Variants in AREL1 observed in about 807,000 individuals in gnomAD.
AREL1 encodes the protein apoptosis-resistant E3 ubiquitin protein ligase 1.
In AREL1, 62 loss-of-function variants were observed where a neutral mutation model predicts 99.0. That is an observed-to-expected ratio of 0.63 (90% confidence interval 0.51 to 0.77). The LOEUF is 0.77. Among genes scored for constraint, AREL1 ranks in the 30% least tolerant of loss-of-function variants. The probability of loss-of-function intolerance (pLI) is 0.00; values close to 1 mark genes in which losing one functional copy is unlikely to be tolerated. For missense variants in AREL1, 879 were observed against 1,027.6 expected (o/e 0.86, Z 1.98); for synonymous variants, 380 against 376.5 (o/e 1.01, Z -0.11).
At chr14:74,711,861 G>A (rs917511567) in intron 1 of AREL1, 9 of 152,038 alleles carry the variant, frequency 5.9e-5, no homozygotes, top group African/African-American at 2.2e-4. Flanking sequence ...CAAAGTTCGT[G>A]TTAAACAATA....
At chr14:74,670,420 A>C (rs888261738) in intron 13 of AREL1, among the ~76,000 whole-genome samples, 1 of 151,960 alleles carries the variant, frequency 6.6e-6, no homozygotes, top group African/African-American at 2.4e-5. Flanking sequence ...GTACTTCTCT[A>C]CTCCTGACAC....
chr14:74,699,349 G>A (rs574490802), intron 1 of AREL1, among the ~76,000 whole-genome samples: 1 of 105,132 alleles, frequency 9.5e-6, no homozygotes, highest in Non-Finnish European at 1.7e-5. Flanking sequence ...ACAGTGAGGG[G>A]TGTGTGTGTG....
intron 1 of AREL1, among the ~76,000 whole-genome samples, chr14:74,707,005 G>C (rs2090190471): frequency 1.3e-5 from 2 of 152,204 alleles, no homozygotes; most frequent in South Asian, 4.2e-4. Context: ...CTCGTCAGAG[G>C]GGATTCTTGG....
chr14:74,670,988 T>A, intron 12 of AREL1, 117 bp from the exon 13 acceptor site: 8 of 755,660 alleles, frequency 1.1e-5, no homozygotes, highest in Non-Finnish European at 1.5e-5. Flanking sequence ...CTCTGGTGTT[T>A]CTCCGTTGCG....
At position 74,676,607 on chromosome 14, in the gene AREL1, G is replaced by T; in HGVS notation, c.627C>A (p.His209Gln). 6.2e-7 allele frequency: 1 copy of T among 1,613,754 alleles called. No individual in the cohort carries two copies. Among genetic ancestry groups the T allele is most frequent in the Non-Finnish European group, 8.5e-7 (1 of 1,179,920 alleles). The change falls in exon 6 of 20, where the codon CAC (histidine) becomes CAA (glutamine). Residue 209 changes from histidine to glutamine, a missense_variant. Coordinates refer to ENST00000356357, the MANE Select transcript of AREL1 (RefSeq NM_001039479.2). ...TNNSMSLRDE[H>Q]NYTLSIHELG... is the part of the protein sequence containing the mutation. ...CCTCATGAATGGACAAGGTGTAATT[G>T]TGCTCATCTCTCAAGGACATGGAAT...
chr14:74,709,207 T>C (rs1188712419), intron 1 of AREL1, among the ~76,000 whole-genome samples: 1 of 151,904 alleles, frequency 6.6e-6, no homozygotes, highest in Admixed American at 6.6e-5. Flanking sequence ...GAAGCTGAGG[T>C]GGGAGGATGG....
intron 2 of AREL1, among the ~76,000 whole-genome samples, chr14:74,686,787 C>T (rs142395224): frequency 1.1e-4 from 17 of 152,212 alleles, no homozygotes; most frequent in African/African-American, 4.1e-4. Flanking sequence ...CATACAAATC[C>T]TACTTAGAGT....
At chr14:74,691,977 A>G (rs1434546394) in intron 2 of AREL1, 64 bp downstream of exon 2, 1 of 298,406 alleles carries the variant, frequency 3.4e-6, no homozygotes, top group Non-Finnish European at 6.4e-6. Flanking sequence ...AGGCTTAGGA[A>G]TTGGTCACTG....
Position 74,674,100 on chromosome 14 carries a change from C to A in AREL1, c.1092G>T (p.Val364=). The change falls in exon 9 of 20, where the codon GTG becomes GTT. Residue 364 remains valine, a synonymous_variant. Coordinates refer to ENST00000356357, the MANE Select transcript of AREL1 (RefSeq NM_001039479.2). The stretch of plus-strand genomic sequence containing the variant: ...GGATGATCTTCAGGTAGAACTCCTT[C>A]ACTGAGAATTGCTGGAGGACCAACA... ...YCYVSPKQFS[V]KEFYLKIIPW... is the part of the protein sequence containing the mutation. The A allele has an allele frequency of 1.2e-6, 2 of 1,613,602 alleles. No individual in the cohort carries two copies. The highest frequency in any genetic ancestry group is 1.1e-5 in the South Asian group (1 of 91,030).
chr14:74,703,604 T>A (rs2090124504), intron 1 of AREL1, among the ~76,000 whole-genome samples: 1 of 152,226 alleles, frequency 6.6e-6, no homozygotes, highest in African/African-American at 2.4e-5. Flanking sequence ...GTCCTTCGTG[T>A]GTAGCATTTT....
chr14:74,700,766 C>A (rs181973466), intron 1 of AREL1, among the ~76,000 whole-genome samples: 1 of 152,002 alleles, frequency 6.6e-6, no homozygotes, highest in Non-Finnish European at 1.5e-5. Flanking sequence ...GGCGACAGAG[C>A]GAGAGTCCCT....
intron 9 of AREL1, 44 bp from the exon 10 acceptor site, chr14:74,673,262 G>C: frequency 6.2e-7 from 1 of 1,602,254 alleles, no homozygotes; most frequent in Non-Finnish European, 8.5e-7. Flanking sequence ...AACCCTCAAG[G>C]CCAGTAAAAG....
chr14:74,705,281 C>T (rs996122594), intron 1 of AREL1, among the ~76,000 whole-genome samples: 20 of 152,192 alleles, frequency 1.3e-4, no homozygotes, highest in African/African-American at 4.8e-4. Flanking sequence ...TCAGGTGATT[C>T]GCCCACCTCA....
chr14:74,684,382 C>T, intron 4 of AREL1, 72 bp downstream of exon 4: 2 of 1,360,660 alleles, frequency 1.5e-6, no homozygotes, highest in South Asian at 1.2e-5. Context: ...ACATTCCAGG[C>T]CAGCACCTGG....
In AREL1 at chr14:74,673,151, G is replaced by A; in HGVS notation, c.1226C>T (p.Pro409Leu). Residue 409 changes from proline to leucine, a missense_variant, in exon 10 of 20, where the codon CCT becomes CTT. Transcript: ENST00000356357. ...LTLVVDDGIQ[P>L]PVELSCKERN... ...CTCCTTACAGCTGAGCTCCACAGGAGGTTGAATGCCATCATCCACCACCAG... is the reference window on the plus strand; with the variant it reads ...CTCCTTACAGCTGAGCTCCACAGGAAGTTGAATGCCATCATCCACCACCAG... The A allele has an allele frequency of 6.2e-7, 1 of 1,614,170 alleles. No homozygotes were observed. Among genetic ancestry groups the A allele is most frequent in the Non-Finnish European group, 8.5e-7 (1 of 1,180,038 alleles).
intron 15 of AREL1, among the ~76,000 whole-genome samples, chr14:74,668,903 G>T (rs1266270675): frequency 2.6e-5 from 4 of 152,068 alleles, no homozygotes; most frequent in Non-Finnish European, 5.9e-5. Flanking sequence ...TTTGAGATAG[G>T]GTTTTGCTGT....
rs1595334915 is a variant in AREL1 at position 74,664,854 on chromosome 14, T to C, written c.2175A>G (p.Ser725=). The C allele has an allele frequency of 1.2e-6, 2 of 1,613,674 alleles. No individual in the cohort carries two copies. The highest frequency in any genetic ancestry group is 4.5e-5 in the East Asian group (2 of 44,862). ...FKAHAVVVGG[S]WHFREKVMRW... is the part of the protein sequence containing the mutation. ...CATTTACCTTTTCTCTGAAATGCCA[T>C]GAGCCACCAACAACTACTGCATGGG... Residue 725 remains serine (S), a synonymous_variant, in exon 18 of 20, where the codon TCA becomes TCG. Coordinates refer to ENST00000356357, the MANE Select transcript of AREL1 (RefSeq NM_001039479.2).
chr14:74,676,823 G>A, intron 5 of AREL1, 71 bp from the exon 6 acceptor site: 2 of 1,244,306 alleles, frequency 1.6e-6, no homozygotes, highest in Non-Finnish European at 2.1e-6. Context: ...TTGAGATGGA[G>A]TCTCGCTCTT....
At position 74,676,796 on chromosome 14, in the gene AREL1, T is replaced by A. The variant is rs750091490; in HGVS notation, c.482-44A>T. On this transcript the variant is annotated intron_variant, in intron 5 of 19. Coordinates refer to ENST00000356357, the MANE Select transcript of AREL1 (RefSeq NM_001039479.2). ...AATCTAACATTTATTTATTTTATTT[T>A]TTTATTTTTATTTTTTTTGAGATGG... 5.7e-6 allele frequency: 8 copies of A among 1,395,678 alleles called. No homozygotes were observed. In the South Asian group the frequency reaches 8.3e-5, roughly 14 times the overall value. The allele number at this position is 1,395,678 out of a possible 1,614,324, so 86.5% of individuals were successfully genotyped here.
Sources: gnomAD v4.1 joint callset for allele counts (sites outside exome capture counted in the v4.1 genomes callset) on GRCh38, gnomAD v4.1.1 for gene constraint, MANE v1.5 for transcripts, NCBI Gene and HGNC (gene_info 2026-07-23, HGNC 2026-07-21) for gene names.